The following POU3F3 variants were observed in gnomAD, a reference collection of about 807,000 sequenced individuals.
POU3F3 encodes POU domain, class 3, transcription factor 3.
A neutral mutation model predicts 8.6 loss-of-function variants in POU3F3; 1 was observed. That is an observed-to-expected ratio of 0.12 (90% CI 0.04 to 0.55). The LOEUF (loss-of-function observed/expected upper bound fraction) is 0.55. Among genes scored for constraint, POU3F3 ranks in the 20% least tolerant of loss-of-function variants. The pLI is 0.91. For missense variants in POU3F3, 577 were observed against 690.7 expected, an observed-to-expected ratio of 0.84 and a Z score of 1.84; for synonymous variants, 418 against 327.4, an observed-to-expected ratio of 1.28 and a Z score of -2.99.
At chr2:104,920,013 T>G in the POU3F3 span, among the ~76,000 whole-genome samples, 1 of 152,026 alleles carries the variant, frequency 6.6e-6, no homozygotes, top group Non-Finnish European at 1.5e-5. Context: ...ATTCATTTAT[T>G]TATTTTTTTA....
At chr2:104,872,586 A>C in the POU3F3 span, 1 of 299,752 alleles carries the variant, frequency 3.3e-6, no homozygotes, top group Non-Finnish European at 6.4e-6. This position sits in a 1 kb window ranked among gnomAD's most constrained non-coding sequence, Gnocchi z 4.6. Context: ...GCTGGTGGGG[A>C]CGCACTCGCT....
chr2:104,867,982 T>C, the POU3F3 span: 2 of 315,734 alleles, frequency 6.3e-6, no homozygotes, highest in South Asian at 2.6e-5. This position sits in a 1 kb window ranked among gnomAD's most constrained non-coding sequence, Gnocchi z 5.0. Context: ...CCTGCCACCA[T>C]AGAACTCTGG....
rs1051895535 is a variant in POU3F3 at position 104,854,538 on chromosome 2, A to C, written c.-973A>C. On this transcript the variant is annotated 5_prime_UTR_variant, in exon 1 of 1. Transcript: ENST00000361360. The surrounding 1 kb of genome is among the most constrained non-coding windows in gnomAD (Gnocchi z 4.5). ...TTTCCTGTTCAATTTTTTCCTTGTTATATTTGTTTCCTAATTTCTGCCCAA... is the reference window on the plus strand; with the variant it reads ...TTTCCTGTTCAATTTTTTCCTTGTTCTATTTGTTTCCTAATTTCTGCCCAA... Among the ~76,000 whole-genome samples, 1 of 152,124 alleles carries C rather than the reference A, an allele frequency of 6.6e-6. No homozygotes were observed. Among genetic ancestry groups the C allele is most frequent in the Admixed American group, 6.5e-5 (1 of 15,278 alleles).
the POU3F3 span, among the ~76,000 whole-genome samples, chr2:104,885,768 C>A: frequency 6.6e-6 from 1 of 152,100 alleles, no homozygotes; most frequent in Non-Finnish European, 1.5e-5. Context: ...CCCTCAGCTT[C>A]TCTGCCCATG....
At chr2:104,868,706 C>T in the POU3F3 span, among the ~76,000 whole-genome samples, 9 of 152,160 alleles carry the variant, frequency 5.9e-5, no homozygotes, top group Non-Finnish European at 1.3e-4. Context: ...GCTGGCGGGT[C>T]TGGTTTGGGC....
At chr2:104,902,919 G>T in the POU3F3 span, among the ~76,000 whole-genome samples, 1 of 152,138 alleles carries the variant, frequency 6.6e-6, no homozygotes, top group Non-Finnish European at 1.5e-5. Context: ...CCGCTTAATT[G>T]CCCTGACATC....
At chr2:104,905,435 T>G in the POU3F3 span, among the ~76,000 whole-genome samples, 4 of 152,240 alleles carry the variant, frequency 2.6e-5, no homozygotes, top group African/African-American at 7.2e-5. Context: ...TACTTACATA[T>G]GTATTAATAT....
At chr2:104,891,907 T>C in the POU3F3 span, among the ~76,000 whole-genome samples, 50,245 of 152,064 alleles carry the variant, frequency 0.33, 8,528 homozygotes, top group Non-Finnish European at 0.38. Context: ...TGCTTTTTGG[T>C]TGGATAAATA....
the POU3F3 span, among the ~76,000 whole-genome samples, chr2:104,915,741 T>A: frequency 6.6e-6 from 1 of 151,670 alleles, no homozygotes; most frequent in African/African-American, 2.4e-5. Flanking sequence ...GTTTCTAACA[T>A]CTCGGATGCA....
At chr2:104,864,931 CGT>C in the POU3F3 span, among the ~76,000 whole-genome samples, 8 of 152,188 alleles carry the variant, frequency 5.3e-5, no homozygotes, top group African/African-American at 1.9e-4. Flanking sequence ...TTGACACGTG[CGT>C]GTGTGTCTGT....
chr2:104,920,047 C>T, the POU3F3 span, among the ~76,000 whole-genome samples: 23 of 152,214 alleles, frequency 1.5e-4, no homozygotes, highest in African/African-American at 4.6e-4. Context: ...TGGAGTCTTG[C>T]TCTGTTGCTC....
In POU3F3 at chr2:104,855,783, G is replaced by A. The variant is rs993239973; in HGVS notation, c.273G>A (p.Leu91=). Residue 91 remains leucine (L), a synonymous_variant, in exon 1 of 1, where the codon CTG becomes CTA. Coordinates refer to ENST00000361360, the MANE Select transcript of POU3F3 (RefSeq NM_006236.3). ...CCGCCAGCAACGGCGGCCATATGCT[G>A]AGCCACGCGCACCAGTGGGTCACAG... The part of the protein sequence containing the change: ...AMAASNGGHM[L]SHAHQWVTAL... 2 of 1,318,356 alleles carry A rather than the reference G, an allele frequency of 1.5e-6. No homozygotes were observed. Among genetic ancestry groups the A allele is most frequent in the Non-Finnish European group, 2.0e-6 (2 of 1,013,256 alleles). The allele number at this position is 1,318,356 out of a possible 1,614,324, so 81.7% of individuals were successfully genotyped here. A position where few individuals can be genotyped will look rare whatever the true frequency, so the allele number is the denominator to read the frequency against.
the POU3F3 span, among the ~76,000 whole-genome samples, chr2:104,877,660 C>CTTTT: frequency 1.4e-5 from 2 of 138,830 alleles, no homozygotes; most frequent in African/African-American, 5.3e-5. Flanking sequence ...TTCTTTTTTT[C>CTTTT]TTTTTTTTTT....
At chr2:104,863,109 C>T (rs1372710822), downstream of POU3F3, among the ~76,000 whole-genome samples, 1 of 150,696 alleles carries the variant, frequency 6.6e-6, no homozygotes, top group African/African-American at 2.4e-5. Context: ...CACTCTCTCC[C>T]TCAGTCCCTC....
At chr2:104,861,313 A>G (rs557251766), downstream of POU3F3, among the ~76,000 whole-genome samples, 53 of 152,324 alleles carry the variant, frequency 3.5e-4, no homozygotes, top group African/African-American at 1.2e-3. Context: ...TAATTAATCA[A>G]CTCTAAAATG....
chr2:104,879,278 C>T, the POU3F3 span, among the ~76,000 whole-genome samples: 1 of 151,968 alleles, frequency 6.6e-6, no homozygotes, highest in African/African-American at 2.4e-5. Context: ...CGCGATTGGG[C>T]TCTGACCACA....
chr2:104,887,174 A>G, the POU3F3 span, among the ~76,000 whole-genome samples: 1 of 152,134 alleles, frequency 6.6e-6, no homozygotes. Context: ...GGTCACTCTC[A>G]TCACCATCTT....
the POU3F3 span, among the ~76,000 whole-genome samples, chr2:104,873,369 C>T: frequency 6.6e-6 from 1 of 152,076 alleles, no homozygotes. Flanking sequence ...GGCGCTCGCT[C>T]AAGAGGGAGA....
chr2:104,920,290 C>T, the POU3F3 span, among the ~76,000 whole-genome samples: 42 of 152,230 alleles, frequency 2.8e-4, no homozygotes. Context: ...ACTGGGATTA[C>T]AGGCGTGAGC....
Sources: allele counts gnomAD v4.1 joint callset (sites outside exome capture counted in the v4.1 genomes callset), GRCh38; gene constraint gnomAD v4.1.1; non-coding constraint Gnocchi (gnomAD v3.1); transcripts MANE v1.5; gene names NCBI Gene and HGNC (gene_info 2026-07-23, HGNC 2026-07-21).